Variants in LHPP observed in about 807,000 individuals in gnomAD.
LHPP encodes the protein hLHPP.
LHPP carries 24 observed loss-of-function variants against 30.3 expected under a neutral mutation model. The ratio of observed to expected loss-of-function variants is 0.79; its 90% CI spans 0.57 to 1.11. LHPP has a LOEUF of 1.11. Among genes scored for constraint, LHPP ranks in the 50% most tolerant of loss-of-function variants. The probability of loss-of-function intolerance (pLI) is 0.00; values close to 1 mark genes in which losing one functional copy is unlikely to be tolerated. For missense variants in LHPP, 356 were observed against 367.2 expected (o/e 0.97, Z 0.25); for synonymous variants, 150 against 157.1 (o/e 0.95, Z 0.34).
intron 6 of LHPP, among the ~76,000 whole-genome samples, chr10:124,610,323 C>CT (rs1564852661): frequency 0.016 from 1,470 of 94,272 alleles, 19 homozygotes; most frequent in African/African-American, 0.045. Context: ...GGTGTGGGTG[C>CT]GGGTGAGGGT....
intron 6 of LHPP, among the ~76,000 whole-genome samples, chr10:124,534,949 G>A (rs568174508): frequency 6.6e-6 from 1 of 152,338 alleles, no homozygotes; most frequent in Non-Finnish European, 1.5e-5. Flanking sequence ...GAAAGATTTC[G>A]CCATGGGAAA....
intron 6 of LHPP, among the ~76,000 whole-genome samples, chr10:124,553,586 G>C (rs1347602530): frequency 6.7e-6 from 1 of 150,362 alleles, no homozygotes; most frequent in Non-Finnish European, 1.5e-5. Context: ...AGCCTCCCGA[G>C]TAGCTGGGAC....
intron 6 of LHPP, among the ~76,000 whole-genome samples, chr10:124,569,046 G>A (rs1948542216): frequency 6.6e-6 from 1 of 152,218 alleles, no homozygotes; most frequent in Non-Finnish European, 1.5e-5. Context: ...CTGGTAATGG[G>A]GGTGAGGGGT....
intron 6 of LHPP, among the ~76,000 whole-genome samples, chr10:124,558,478 C>T (rs570829486): frequency 2.6e-5 from 4 of 152,214 alleles, no homozygotes; most frequent in Admixed American, 6.5e-5. Flanking sequence ...TGCTCTGTCC[C>T]CGCTTGGCGT....
At chr10:124,580,039 A>G (rs1243246529) in intron 6 of LHPP, among the ~76,000 whole-genome samples, 1 of 152,190 alleles carries the variant, frequency 6.6e-6, no homozygotes, top group Non-Finnish European at 1.5e-5. Flanking sequence ...ACTTCTTCAA[A>G]TGTTTGATGA....
chr10:124,525,272 C>T (rs1398404765), intron 6 of LHPP, among the ~76,000 whole-genome samples: 1 of 152,242 alleles, frequency 6.6e-6, no homozygotes, highest in Non-Finnish European at 1.5e-5. Flanking sequence ...CCCTTCTGCA[C>T]TGGCTGCCAG....
Position 124,461,867 on chromosome 10 carries a change from C to A in LHPP, c.5C>A (p.Ala2Glu). The A allele has an allele frequency of 8.0e-7, 1 of 1,253,656 alleles. No individual in the cohort carries two copies. The highest frequency in any genetic ancestry group is 1.0e-6 in the Non-Finnish European group (1 of 995,884). The allele number at this position is 1,253,656 out of a possible 1,614,324, so 77.7% of individuals were successfully genotyped here. Residue 2 changes from alanine (A) to glutamate (E), a missense_variant, in exon 1 of 7, where the codon GCA becomes GAA. Ala to Glu is a moderately radical substitution (Grantham distance 107, BLOSUM62 -1). Transcript: ENST00000368842. ...TGAGGAGCAGGGCCGGGCGCCATGGCACCGTGGGGCAAGCGGCTGGCTGGC... is the reference window on the plus strand; with the variant it reads ...TGAGGAGCAGGGCCGGGCGCCATGGAACCGTGGGGCAAGCGGCTGGCTGGC... M[A>E]PWGKRLAGVR...
intron 6 of LHPP, among the ~76,000 whole-genome samples, chr10:124,608,952 A>C (rs763356355): frequency 1.7e-4 from 26 of 152,228 alleles, no homozygotes; most frequent in Non-Finnish European, 3.5e-4. Flanking sequence ...TGCCCAGCCC[A>C]GAGCAGCCGC....
intron 5 of LHPP, chr10:124,498,475 A>C (rs1017189617): frequency 6.8e-7 from 1 of 1,465,508 alleles, no homozygotes; most frequent in Non-Finnish European, 9.0e-7. Flanking sequence ...GATTACAACA[A>C]TATGGAGGAA....
intron 6 of LHPP, among the ~76,000 whole-genome samples, chr10:124,585,068 A>G (rs992995021): frequency 2.0e-5 from 3 of 152,210 alleles, no homozygotes. Context: ...ATATGCAAAT[A>G]TTCCAGAATC....
At chr10:124,497,088 C>A in intron 4 of LHPP, 64 bp downstream of exon 4, 1 of 1,321,136 alleles carries the variant, frequency 7.6e-7, no homozygotes, top group Non-Finnish European at 1.1e-6. Context: ...CTTTTTGGGT[C>A]TTTGTTGAGA....
chr10:124,513,408 G>GT (rs1393717547), intron 5 of LHPP, among the ~76,000 whole-genome samples: 4 of 141,000 alleles, frequency 2.8e-5, no homozygotes, highest in East Asian at 2.1e-4. Flanking sequence ...GTTGGTGGTG[G>GT]TTTTTTTTTC....
At chr10:124,606,788 C>A (rs1949100594) in intron 6 of LHPP, among the ~76,000 whole-genome samples, 1 of 152,188 alleles carries the variant, frequency 6.6e-6, no homozygotes, top group Non-Finnish European at 1.5e-5. Flanking sequence ...AGGCCCGTAG[C>A]CAGGGAAGGG....
chr10:124,579,523 G>A (rs180863570), intron 6 of LHPP, among the ~76,000 whole-genome samples: 65 of 152,280 alleles, frequency 4.3e-4, no homozygotes, highest in Middle Eastern at 3.4e-3. Flanking sequence ...ACATGTAGGC[G>A]GTTTCCAGTT....
intron 6 of LHPP, among the ~76,000 whole-genome samples, chr10:124,569,342 T>C (rs190669109): frequency 6.6e-6 from 1 of 152,274 alleles, no homozygotes; most frequent in Admixed American, 6.5e-5. Context: ...CCCCGTCAGT[T>C]GTCTGTCGGG....
intron 5 of LHPP, among the ~76,000 whole-genome samples, chr10:124,502,465 C>T (rs368631632): frequency 2.7e-5 from 4 of 150,720 alleles, no homozygotes; most frequent in African/African-American, 7.4e-5. Flanking sequence ...CCTGGGTTCA[C>T]GCCATTCTCC....
intron 6 of LHPP, among the ~76,000 whole-genome samples, chr10:124,604,709 G>A (rs528363530): frequency 1.5e-3 from 225 of 152,336 alleles, no homozygotes; most frequent in Non-Finnish European, 1.7e-3. Context: ...CGGCACAGCC[G>A]AGCTGGCGTC....
In LHPP at chr10:124,578,941, C is replaced by T. The variant is rs115638554; in HGVS notation, c.717-34323C>T. Among the ~76,000 whole-genome samples, 815 of 142,738 alleles carry T rather than the reference C, an allele frequency of 5.7e-3. 9 individuals are homozygous for T. Among genetic ancestry groups the T allele is most frequent in the African/African-American group, 0.019 (755 of 39,334 alleles). 93.6% of individuals were successfully genotyped at this position (142,738 alleles called of 152,430 possible). On this transcript the variant is annotated intron_variant, in intron 6 of 6. Coordinates refer to ENST00000368842, the MANE Select transcript of LHPP (RefSeq NM_022126.4). Reference sequence around the variant, plus strand: ...CCTCCCTGGAGGGCCAGAAGGGATTCCCAGGGGCAGGATAGCACGGACGGG... The same window carrying T: ...CCTCCCTGGAGGGCCAGAAGGGATTTCCAGGGGCAGGATAGCACGGACGGG...
rs1319674715 is a variant in LHPP at position 124,595,331 on chromosome 10, C to T, written c.717-17933C>T. Among the ~76,000 whole-genome samples, 10 of 152,300 alleles carry T rather than the reference C, an allele frequency of 6.6e-5. No homozygotes were observed. The South Asian group carries it at 1.9e-3, about 28-fold the overall frequency. On this transcript the variant is annotated intron_variant, in intron 6 of 6. Transcript: ENST00000368842. Reference sequence around the variant, plus strand: ...GGGACTGCAGTCTGGGCCCAGAGCCCGGTTGTCCCCCATGGAGCCACACAG... The same window carrying T: ...GGGACTGCAGTCTGGGCCCAGAGCCTGGTTGTCCCCCATGGAGCCACACAG...
Sources: gnomAD v4.1 joint callset for allele counts (sites outside exome capture counted in the v4.1 genomes callset) on GRCh38, gnomAD v4.1.1 for gene constraint, MANE v1.5 for transcripts, NCBI Gene and HGNC (gene_info 2026-07-23, HGNC 2026-07-21) for gene names.